Variants in TMX1 observed in about 807,000 individuals in gnomAD.
The protein encoded by TMX1 is thioredoxin related transmembrane protein 1.
A neutral mutation model predicts 36.6 loss-of-function variants in TMX1; 25 were observed. The observed-to-expected ratio is 0.68, with a 90% confidence interval of 0.50 to 0.95. TMX1 has a LOEUF of 0.95. Among genes scored for constraint, TMX1 ranks in the 40% least tolerant of loss-of-function variants. TMX1 has a pLI of 0.00. For synonymous variants in TMX1, 133 were observed against 118.0 expected, an observed-to-expected ratio of 1.13 and a Z score of -0.82; for missense variants, 347 against 339.6, an observed-to-expected ratio of 1.02 and a Z score of -0.17.
chr14:51,248,249 G>A (rs1187987137), intron 4 of TMX1, among the ~76,000 whole-genome samples: 1 of 152,182 alleles, frequency 6.6e-6, no homozygotes, highest in African/African-American at 2.4e-5. Flanking sequence ...TGGGAACAGT[G>A]AGTTTTGCTG....
intron 6 of TMX1, 54 bp downstream of exon 6, chr14:51,249,623 A>G: frequency 6.3e-7 from 1 of 1,594,848 alleles, no homozygotes; most frequent in Non-Finnish European, 8.6e-7. Flanking sequence ...AAATGTGATT[A>G]TTTAAAATAG....
At chr14:51,253,433 A>G (rs185334861) in intron 7 of TMX1, among the ~76,000 whole-genome samples, 1 of 152,324 alleles carries the variant, frequency 6.6e-6, no homozygotes, top group Admixed American at 6.5e-5. Context: ...CAGACTAAAC[A>G]ACAGATGGTT....
chr14:51,254,141 A>G, intron 7 of TMX1, 200 bp from the exon 8 acceptor site: 1 of 407,662 alleles, frequency 2.5e-6, no homozygotes, highest in Non-Finnish European at 4.3e-6. Context: ...TTTGATAACT[A>G]AAATGGCTCA....
intron 1 of TMX1, among the ~76,000 whole-genome samples, chr14:51,241,932 A>G (rs2140469204): frequency 6.6e-6 from 1 of 152,340 alleles, no homozygotes; most frequent in East Asian, 1.9e-4. Flanking sequence ...GATCGAGACC[A>G]TCCTGGCTAA....
rs1200729039 is a variant in TMX1 at position 51,249,872 on chromosome 14, T to C, written c.664+107T>C. The stretch of plus-strand genomic sequence containing the variant: ...TGCTCTTCCAGCTTAGAATTCTAAC[T>C]GTGGATTGTTGGTCTTTATCAGCTA... On this transcript the variant is annotated intron_variant, in intron 7 of 7. Coordinates refer to ENST00000457354, the MANE Select transcript of TMX1 (RefSeq NM_030755.5). 5.0e-6 allele frequency: 4 copies of C among 798,724 alleles called. No homozygotes were observed. In the East Asian group the frequency reaches 1.1e-4, roughly 22 times the overall value. 49.5% of individuals were successfully genotyped at this position (798,724 alleles called of 1,614,324 possible).
intron 7 of TMX1, chr14:51,254,122 T>C: frequency 2.8e-6 from 1 of 358,330 alleles, no homozygotes; most frequent in East Asian, 5.3e-5. Context: ...GGTGGGTAAT[T>C]AGAATGACTT....
chr14:51,245,466 A>G, intron 3 of TMX1, 108 bp downstream of exon 3: 1 of 1,556,436 alleles, frequency 6.4e-7, no homozygotes, highest in Non-Finnish European at 8.7e-7. Context: ...TAATCTCATT[A>G]TATTCAGCAG....
Position 51,245,612 on chromosome 14 carries a change from T to C in TMX1, c.314+254T>C, listed in dbSNP as rs1321879118. The C allele has an allele frequency of 4.7e-5, 37 of 780,908 alleles. 1 individual carries two copies. In the East Asian group the frequency reaches 1.3e-3, roughly 27 times the overall value. 48.4% of individuals were successfully genotyped at this position (780,908 alleles called of 1,614,324 possible). A position where few individuals can be genotyped will look rare whatever the true frequency, so the allele number is the denominator to read the frequency against. On this transcript the variant is annotated intron_variant, in intron 3 of 7. Coordinates refer to ENST00000457354, the MANE Select transcript of TMX1 (RefSeq NM_030755.5). ...ATGTTCTTGTGAAATGGTGTGATCC[T>C]GTTCAGCGTGTTAAGTCATTATGCA...
At chr14:51,243,827 T>G in intron 1 of TMX1, 29 bp from the exon 2 acceptor site, 1 of 1,556,930 alleles carries the variant, frequency 6.4e-7, no homozygotes, top group South Asian at 1.2e-5. Flanking sequence ...GTGCTTAACT[T>G]TTTTTAAAAA....
In TMX1 at chr14:51,244,032, T is replaced by A. The variant is rs989354927; in HGVS notation, c.268+61T>A. On this transcript the variant is annotated intron_variant, in intron 2 of 7. Coordinates refer to ENST00000457354, the MANE Select transcript of TMX1 (RefSeq NM_030755.5). ...TGTTTGGGTTGATATATTTATCCTT[T>A]TTTCTACATTGCATAGTCTTAATTC... 6.8e-6 allele frequency: 9 copies of A among 1,332,390 alleles called. 1 individual carries two copies. In the African/African-American group the frequency reaches 7.3e-5, roughly 11 times the overall value. The allele number at this position is 1,332,390 out of a possible 1,614,324, so 82.5% of individuals were successfully genotyped here.
chr14:51,246,733 C>A (rs1346562396), intron 3 of TMX1, among the ~76,000 whole-genome samples: 1 of 152,186 alleles, frequency 6.6e-6, no homozygotes, highest in Non-Finnish European at 1.5e-5. Flanking sequence ...CTAATAATTA[C>A]TATGTGCCAA....
chr14:51,245,017 C>T (rs1164860105), intron 2 of TMX1, among the ~76,000 whole-genome samples: 1 of 152,050 alleles, frequency 6.6e-6, no homozygotes, highest in Non-Finnish European at 1.5e-5. Context: ...ACAAGGTGCT[C>T]TTATTACTAG....
At chr14:51,245,776 GA>G (rs2065782869) in intron 3 of TMX1, 1 of 313,478 alleles carries the variant, frequency 3.2e-6, no homozygotes, top group African/African-American at 2.2e-5. Context: ...ATTTTATTGT[GA>G]GGACAATCTC....
At chr14:51,247,244 T>C (rs781196603) in intron 4 of TMX1, 24 bp downstream of exon 4, 6 of 1,594,622 alleles carry the variant, frequency 3.8e-6, no homozygotes, top group Non-Finnish European at 5.1e-6. Flanking sequence ...CTTTTTCTCT[T>C]ACCCATTTCA....
At chr14:51,242,754 G>A (rs1212948540) in intron 1 of TMX1, among the ~76,000 whole-genome samples, 3 of 152,154 alleles carry the variant, frequency 2.0e-5, no homozygotes, top group African/African-American at 7.2e-5. Flanking sequence ...TCCAGCCTGG[G>A]TAACAAAGCG....
chr14:51,254,597 C>T lies in TMX1; in HGVS notation c.*78C>T. ...ATCATTTTGTTTGGTTTGAAGTGAACTGTGACTTTTTTGAATATTGCAGGG... is the reference window on the plus strand; with the variant it reads ...ATCATTTTGTTTGGTTTGAAGTGAATTGTGACTTTTTTGAATATTGCAGGG... On this transcript the variant is annotated 3_prime_UTR_variant, in exon 8 of 8. Coordinates refer to ENST00000457354, the MANE Select transcript of TMX1 (RefSeq NM_030755.5). The T allele has an allele frequency of 7.4e-7, 1 of 1,355,720 alleles. No homozygotes were observed. The highest frequency in any genetic ancestry group is 1.0e-6 in the Non-Finnish European group (1 of 994,680). 84.0% of individuals were successfully genotyped at this position (1,355,720 alleles called of 1,614,324 possible).
Position 51,254,035 on chromosome 14 carries a change from A to G in TMX1, c.665-306A>G, listed in dbSNP as rs1166419561. 6 of 186,716 alleles carry G rather than the reference A, an allele frequency of 3.2e-5. No homozygotes were observed. In the Admixed American group the frequency reaches 3.7e-4, roughly 11 times the overall value. 11.6% of individuals were successfully genotyped at this position (186,716 alleles called of 1,614,324 possible). ...CCATTGGACCAACCAGTTTTTTTTA[A>G]TGCTGTATATTTTCTCACAACTTCC... On this transcript the variant is annotated intron_variant, in intron 7 of 7. Coordinates refer to ENST00000457354, the MANE Select transcript of TMX1 (RefSeq NM_030755.5).
At chr14:51,243,715 C>A in intron 1 of TMX1, 141 bp from the exon 2 acceptor site, 1 of 551,920 alleles carries the variant, frequency 1.8e-6, no homozygotes, top group Non-Finnish European at 2.9e-6. Flanking sequence ...TTTTCATCTG[C>A]ATAAAATTAA....
intron 5 of TMX1, 24 bp downstream of exon 5, chr14:51,249,395 T>G (rs1207713808): frequency 6.3e-7 from 1 of 1,598,924 alleles, no homozygotes; most frequent in Non-Finnish European, 8.5e-7. Flanking sequence ...TATTTTTATC[T>G]TAAACATTTT....
Sources: allele counts gnomAD v4.1 joint callset (sites outside exome capture counted in the v4.1 genomes callset), GRCh38; gene constraint gnomAD v4.1.1; transcripts MANE v1.5; gene names NCBI Gene and HGNC (gene_info 2026-07-23, HGNC 2026-07-21).